Variants in SLC25A35 observed in about 807,000 individuals in gnomAD.
The protein encoded by SLC25A35 is solute carrier family 25, member 35.
SLC25A35 carries 32 observed loss-of-function variants against 30.5 expected under a neutral mutation model. The ratio of observed to expected loss-of-function variants is 1.05; its 90% confidence interval spans 0.79 to 1.41. SLC25A35 has a LOEUF of 1.41. Among genes scored for constraint, SLC25A35 ranks in the 40% most tolerant of loss-of-function variants. The pLI is 0.00. For synonymous variants in SLC25A35, 142 were observed against 158.1 expected (o/e 0.90, Z 0.77); for missense variants, 369 against 388.0 (o/e 0.95, Z 0.41).
chr17:8,291,380 G>C lies in SLC25A35; in HGVS notation c.547C>G (p.Gln183Glu). ...LPRVIVGSSTQLCTFSSTKDL... is the reference protein window; with the variant it reads ...LPRVIVGSSTELCTFSSTKDL... The stretch of plus-strand genomic sequence containing the variant: ...TTGGTGGATGAGAAGGTGCACAGCT[G>C]GGTGGAGGAACCGACGATAACTCGG... Residue 183 changes from glutamine to glutamate, a missense_variant, in exon 3 of 5, where the codon CAG becomes GAG. Coordinates refer to ENST00000577745, the MANE Select transcript of SLC25A35 (RefSeq NM_001320870.2). 6.2e-7 allele frequency: 1 copy of C among 1,614,188 alleles called. No individual in the cohort carries two copies. The highest frequency in any genetic ancestry group is 1.7e-5 in the Admixed American group (1 of 60,014).
At chr17:8,292,335 G>A (rs1990570153) in intron 2 of SLC25A35, among the ~76,000 whole-genome samples, 188 bp downstream of exon 2, 1 of 152,290 alleles carries the variant, frequency 6.6e-6, no homozygotes, top group African/African-American at 2.4e-5. Flanking sequence ...CTTCAGCCTG[G>A]GCAACAGAGC....
rs747500240 is a variant in SLC25A35 at position 8,290,861 on chromosome 17, G to A, written c.710C>T (p.Pro237Leu). 6.2e-7 allele frequency: 1 copy of A among 1,613,976 alleles called. No homozygotes were observed. The part of the protein sequence containing the change: ...DVACTRLYNQ[P>L]TDAQGKGLMY... ...CCTTACCTTGCCCTGTGCATCTGTG[G>A]GCTGGTTGTAGAGCCTTGTGCAGGC... The change falls in exon 4 of 5, where the codon CCC becomes CTC. Residue 237 changes from proline to leucine, a missense_variant. Transcript: ENST00000577745.
rs183859588 is a variant in SLC25A35, at chr17:8,290,467, A to C, written c.*38T>G. 1.5e-4 allele frequency: 232 copies of C among 1,531,336 alleles called. No individual in the cohort carries two copies. The African/African-American group carries it at 2.5e-3, about 16-fold the overall frequency. The allele number at this position is 1,531,336 out of a possible 1,614,324, so 94.9% of individuals were successfully genotyped here. ...CATAGTGGTGGAGGCACAAGTGGCC[A>C]AGGAGTGCTCATTTGGTGGAGACTG... On this transcript the variant is annotated 3_prime_UTR_variant, in exon 5 of 5. Transcript: ENST00000577745.
Position 8,290,585 on chromosome 17 carries a change from A to T in SLC25A35, c.823T>A (p.Phe275Ile), listed in dbSNP as rs1288408190. The T allele has an allele frequency of 6.5e-7, 1 of 1,536,208 alleles. No homozygotes were observed. The highest frequency in any genetic ancestry group is 1.2e-5 in the South Asian group (1 of 84,130). The change falls in exon 5 of 5, where the codon TTC (phenylalanine) becomes ATC (isoleucine). Residue 275 changes from phenylalanine to isoleucine, a missense_variant. Coordinates refer to ENST00000577745, the MANE Select transcript of SLC25A35 (RefSeq NM_001320870.2). ...AGGATGGTGTGGGGGCCGAGGCGGA[A>T]GTAGGAGGCACCTATACCCTTGTAC... Reference protein sequence around the residue: ...GMYKGIGASYFRLGPHTILSL... With the variant: ...GMYKGIGASYIRLGPHTILSL...
chr17:8,289,132 C>T, downstream of SLC25A35: 9 of 1,602,348 alleles, frequency 5.6e-6, no homozygotes, highest in Non-Finnish European at 7.7e-6. Flanking sequence ...GTGGGCGGGG[C>T]CCGCGGCCGA....
At chr17:8,294,300 C>T (rs1243058506) in intron 1 of SLC25A35, 133 bp downstream of exon 1, 1 of 916,700 alleles carries the variant, frequency 1.1e-6, no homozygotes. Flanking sequence ...CCGAAGCCTA[C>T]CAGCACTTTC....
downstream of SLC25A35, chr17:8,288,912 G>A (rs372652045): frequency 3.1e-6 from 5 of 1,613,976 alleles, no homozygotes; most frequent in African/African-American, 6.7e-5. Flanking sequence ...GTGGGTTGTG[G>A]GAAGAGACCG....
intron 2 of SLC25A35, among the ~76,000 whole-genome samples, chr17:8,291,864 AC>A (rs1220819755): frequency 6.6e-6 from 1 of 152,188 alleles, no homozygotes; most frequent in East Asian, 1.9e-4. Flanking sequence ...AGCTTGGCCA[AC>A]ATGGTGAAAC....
chr17:8,292,661 C>G, intron 1 of SLC25A35, 73 bp from the exon 2 acceptor site: 1 of 1,252,744 alleles, frequency 8.0e-7, no homozygotes, highest in Non-Finnish European at 1.2e-6. Context: ...TGTCTCACCC[C>G]CTCACACTTC....
Position 8,295,264 on chromosome 17 carries a change from A to T in SLC25A35, c.-457T>A, listed in dbSNP as rs970491080. On this transcript the variant is annotated 5_prime_UTR_variant, in exon 1 of 5. Coordinates refer to ENST00000577745, the MANE Select transcript of SLC25A35 (RefSeq NM_001320870.2). Reference sequence around the variant, plus strand: ...CGGTGATTTCCTCGAGCCAGCAACGAGATCTCGATCCGAGAAAGAAGTCAG... The same window carrying T: ...CGGTGATTTCCTCGAGCCAGCAACGTGATCTCGATCCGAGAAAGAAGTCAG... The T allele has an allele frequency of 2.1e-5, 21 of 988,662 alleles. No individual in the cohort carries two copies. Among genetic ancestry groups the T allele is most frequent in the Non-Finnish European group, 1.2e-6 (1 of 832,180 alleles). The allele number at this position is 988,662 out of a possible 1,614,324, so 61.2% of individuals were successfully genotyped here. A position where few individuals can be genotyped will look rare whatever the true frequency, so the allele number is the denominator to read the frequency against.
At chr17:8,291,802 C>A (rs1469168989) in intron 2 of SLC25A35, among the ~76,000 whole-genome samples, 1 of 152,222 alleles carries the variant, frequency 6.6e-6, no homozygotes, top group East Asian at 1.9e-4. Flanking sequence ...GTAATCCTAG[C>A]ACTTTGGGAG....
chr17:8,292,140 C>T (rs544559077), intron 2 of SLC25A35, among the ~76,000 whole-genome samples: 4 of 152,306 alleles, frequency 2.6e-5, no homozygotes, highest in Non-Finnish European at 4.4e-5. Flanking sequence ...CAAGACTGCG[C>T]CACTGCACTC....
downstream of SLC25A35, chr17:8,289,072 G>T (rs1478013092): frequency 6.2e-7 from 1 of 1,613,404 alleles, no homozygotes; most frequent in African/African-American, 1.3e-5. Context: ...GCGGCTGCGC[G>T]GTGAGGGAAT....
intron 1 of SLC25A35, 53 bp downstream of exon 1, chr17:8,294,380 A>G (rs1990720308): frequency 1.3e-6 from 2 of 1,503,836 alleles, no homozygotes; most frequent in South Asian, 2.6e-5. Context: ...AACAGCTCCT[A>G]TCCTACAACG....
In SLC25A35 at chr17:8,292,585, T is replaced by A; in HGVS notation, c.379A>T (p.Lys127Ter). Residue 127 changes from lysine (K) to a stop codon, truncating the protein, a stop_gained, in exon 2 of 5, where the codon AAG becomes TAG. Transcript: ENST00000577745. LOFTEE classifies it high-confidence loss of function. ...GCTGCCTGTGCCTGCAGGTGTGTCT[T>A]CACCTGGGAACAAGAGAATATCATA... Reference protein sequence around the residue: ...AYLGSPIYMVKTHLQAQAASE... With the variant: ...AYLGSPIYMV The A allele has an allele frequency of 2.5e-6, 4 of 1,614,036 alleles. No homozygotes were observed. Among genetic ancestry groups the A allele is most frequent in the Non-Finnish European group, 3.4e-6 (4 of 1,179,942 alleles).
Position 8,294,440 on chromosome 17 carries a change from A to G in SLC25A35, c.368T>C (p.Ile123Thr). Residue 123 changes from isoleucine to threonine, a missense_variant, in exon 1 of 5, where the codon ATC becomes ACC. By Grantham distance (89) the Ile-to-Thr change is moderately conservative. Transcript: ENST00000577745. ...CAAGAGCCCTCTTCTTACCATGTAGATGGGGCTCCCCAAGTAGGCTCCCAT... is the reference window on the plus strand; with the variant it reads ...CAAGAGCCCTCTTCTTACCATGTAGGTGGGGCTCCCCAAGTAGGCTCCCAT... The part of the protein sequence containing the change: ...GVMGAYLGSP[I>T]YMVKTHLQAQ... 6.3e-7 allele frequency: 1 copy of G among 1,579,140 alleles called. No homozygotes were observed. Among genetic ancestry groups the G allele is most frequent in the East Asian group, 2.2e-5 (1 of 44,506 alleles).
In SLC25A35 at chr17:8,294,538, C is replaced by T. The variant is rs765027990; in HGVS notation, c.270G>A (p.Gly90=). The stretch of plus-strand genomic sequence containing the variant: ...TGCCTTCGGCTGTGTGCAGGTAGCC[C>T]CCAGCCTCAGCCAGCCCATAGGTGC... ...RLGTYGLAEA[G]GYLHTAEGTH... Residue 90 remains glycine (G), a synonymous_variant, in exon 1 of 5, where the codon GGG becomes GGA. Transcript: ENST00000577745. The T allele has an allele frequency of 1.9e-6, 3 of 1,613,982 alleles. No individual in the cohort carries two copies. The South Asian group carries it at 3.3e-5, about 18-fold the overall frequency.
chr17:8,292,454 G>A, intron 2 of SLC25A35, 69 bp downstream of exon 2: 7 of 1,475,662 alleles, frequency 4.7e-6, no homozygotes, highest in Non-Finnish European at 6.6e-6. Flanking sequence ...GATCTGTTGG[G>A]TGCAGGCAGA....
chr17:8,288,690 G>C (rs2151607612), downstream of SLC25A35: 1 of 1,345,178 alleles, frequency 7.4e-7, no homozygotes, highest in Non-Finnish European at 1.1e-6. Flanking sequence ...CCAGACCCGG[G>C]TGGCGGTGGC....
Sources: allele counts gnomAD v4.1 joint callset (sites outside exome capture counted in the v4.1 genomes callset), GRCh38; gene constraint gnomAD v4.1.1; transcripts MANE v1.5; gene names NCBI Gene and HGNC (gene_info 2026-07-23, HGNC 2026-07-21).